COL13A1: variants seen among roughly 807,000 people sequenced by gnomAD.
The protein encoded by COL13A1 is collagen alpha-1(XIII) chain.
In COL13A1, 89 loss-of-function variants were observed where a neutral mutation model predicts 130.9. That is an observed-to-expected ratio of 0.68 (90% CI 0.57 to 0.81). The LOEUF (loss-of-function observed/expected upper bound fraction) is 0.81. COL13A1 is among the 30% of genes least tolerant of loss of function. The probability of loss-of-function intolerance (pLI) is 0.00; values close to 1 mark genes in which losing one functional copy is unlikely to be tolerated. For missense variants in COL13A1, 879 were observed against 934.6 expected (o/e 0.94, Z 0.78); for synonymous variants, 402 against 341.6 (o/e 1.18, Z -1.95).
chr10:69,950,336 T>C (rs796391438), intron 38 of COL13A1, among the ~76,000 whole-genome samples: 8 of 152,280 alleles, frequency 5.3e-5, no homozygotes, highest in African/African-American at 1.4e-4. Context: ...GCAGGCAACG[T>C]TACTACTCTA....
chr10:69,860,361 A>T (rs920051124), intron 2 of COL13A1, among the ~76,000 whole-genome samples: 5 of 152,214 alleles, frequency 3.3e-5, no homozygotes, highest in African/African-American at 1.2e-4. Context: ...GAAAGCGGGC[A>T]TGAGGGAGAC....
At chr10:69,849,875 A>T (rs1854241519) in intron 2 of COL13A1, among the ~76,000 whole-genome samples, 1 of 152,210 alleles carries the variant, frequency 6.6e-6, no homozygotes, top group Non-Finnish European at 1.5e-5. Context: ...TGGGGCTGAA[A>T]CTGGGCCCCA....
Position 69,930,493 on chromosome 10 carries a change from C to T in COL13A1, c.1624C>T (p.His542Tyr). 1.9e-6 allele frequency: 3 copies of T among 1,613,890 alleles called. No homozygotes were observed. The highest frequency in any genetic ancestry group is 2.5e-6 in the Non-Finnish European group (3 of 1,179,838). The change falls in exon 30 of 41, where the codon CAC becomes TAC. Residue 542 changes from histidine (H) to tyrosine (Y), a missense_variant. This residue lies in a region of COL13A1 where 715 missense variants were observed against 721.0 expected (regional missense o/e 0.99). Coordinates refer to ENST00000645393, the MANE Select transcript of COL13A1 (RefSeq NM_001368882.1). Reference sequence around the variant, plus strand: ...TCCAGGAGTGAAGGGAGAAAACGGGCACCCAGGGAGCCCAGGAGAGAAGGG... The same window carrying T: ...TCCAGGAGTGAAGGGAGAAAACGGGTACCCAGGGAGCCCAGGAGAGAAGGG... ...GPPGVKGENG[H>Y]PGSPGEKGEK... is the part of the protein sequence containing the mutation.
At chr10:69,846,478 C>A (rs1238925635) in intron 2 of COL13A1, among the ~76,000 whole-genome samples, 3 of 152,186 alleles carry the variant, frequency 2.0e-5, no homozygotes, top group Non-Finnish European at 4.4e-5. Flanking sequence ...CTCTTGTACA[C>A]CCCCACTGCC....
intron 38 of COL13A1, among the ~76,000 whole-genome samples, chr10:69,948,298 A>G (rs1213125885): frequency 6.6e-6 from 1 of 152,156 alleles, no homozygotes; most frequent in Non-Finnish European, 1.5e-5. Context: ...ATGCACAGAA[A>G]GTGCCAGAAT....
chr10:69,894,662 C>T lies in COL13A1; in HGVS notation c.631-13C>T, dbSNP rs1403607549. 14 of 1,613,860 alleles carry T rather than the reference C, an allele frequency of 8.7e-6. No homozygotes were observed. Among genetic ancestry groups the T allele is most frequent in the South Asian group, 3.3e-5 (3 of 91,088 alleles). On this transcript the variant is annotated splice_polypyrimidine_tract_variant and intron_variant, in intron 11 of 40. Coordinates refer to ENST00000645393, the MANE Select transcript of COL13A1 (RefSeq NM_001368882.1). ...CTTTGGTTTCTAACTCTCTCATCTC[C>T]GTCTCTTTGTAGGGACCCCAGGGAC...
chr10:69,943,617 C>T (rs549429453), intron 35 of COL13A1, among the ~76,000 whole-genome samples: 161 of 152,292 alleles, frequency 1.1e-3, no homozygotes, highest in African/African-American at 3.6e-3. Flanking sequence ...AAGGCCCCGG[C>T]CAGAGACTGA....
At chr10:69,901,187 G>T (rs559829859) in intron 14 of COL13A1, among the ~76,000 whole-genome samples, 6 of 152,302 alleles carry the variant, frequency 3.9e-5, no homozygotes, top group African/African-American at 1.4e-4. Flanking sequence ...ATGCAGCCGG[G>T]TGGGGGACCT....
At chr10:69,950,091 T>G (rs1223147172) in intron 38 of COL13A1, among the ~76,000 whole-genome samples, 1 of 150,556 alleles carries the variant, frequency 6.6e-6, no homozygotes, top group East Asian at 1.9e-4. Flanking sequence ...TTACTGCTTC[T>G]CCCCCCAGAT....
At chr10:69,888,428 G>A in intron 9 of COL13A1, 98 bp downstream of exon 9, 1 of 1,502,386 alleles carries the variant, frequency 6.7e-7, no homozygotes. Context: ...GCTTTACTTA[G>A]AAAGAAAAGT....
At chr10:69,887,901 C>T (rs2134542216) in intron 8 of COL13A1, among the ~76,000 whole-genome samples, 2 of 152,258 alleles carry the variant, frequency 1.3e-5, no homozygotes, top group Admixed American at 1.3e-4. Context: ...TTGACCTCTG[C>T]TTATGGGGCC....
At chr10:69,855,926 G>A (rs963109426) in intron 2 of COL13A1, among the ~76,000 whole-genome samples, 1 of 151,520 alleles carries the variant, frequency 6.6e-6, no homozygotes, top group African/African-American at 2.4e-5. Flanking sequence ...TCTGTAGTCA[G>A]ATGATAGCCA....
intron 1 of COL13A1, among the ~76,000 whole-genome samples, chr10:69,821,408 C>G (rs556658560): frequency 1.3e-5 from 2 of 152,338 alleles, no homozygotes; most frequent in African/African-American, 4.8e-5. Flanking sequence ...CAGGTGCAGT[C>G]TCCTCTCTGT....
In COL13A1 at chr10:69,909,390, G is replaced by A. The variant is rs942822178; in HGVS notation, c.921+3568G>A. 9.9e-5 allele frequency among the ~76,000 whole-genome samples: 15 copies of A among 152,124 alleles called. No individual in the cohort carries two copies. The South Asian group carries it at 1.0e-3, about 11-fold the overall frequency. ...TGTGAGGCCATCATGCCCCATCACC[G>A]CCTCTCTGGGTCACTGGAAGGTTCC... On this transcript the variant is annotated intron_variant, in intron 17 of 40. Coordinates refer to ENST00000645393, the MANE Select transcript of COL13A1 (RefSeq NM_001368882.1).
intron 1 of COL13A1, among the ~76,000 whole-genome samples, chr10:69,817,042 A>G (rs2763334): frequency 0.99 from 150,900 of 152,340 alleles, 74,751 homozygotes; most frequent in East Asian, 1. Context: ...CTTGCAGCCC[A>G]TTTTTGTAAA....
chr10:69,895,584 A>G lies in COL13A1; in HGVS notation c.684+8A>G, dbSNP rs748453473. 1.1e-5 allele frequency: 18 copies of G among 1,613,804 alleles called. No individual in the cohort carries two copies. The Admixed American group carries it at 3.0e-4, about 27-fold the overall frequency. ...GGAGAGTACCCACACCGGGTAAGTG[A>G]ACCCCTAAAATTTAGCAGGGCACTT... is the stretch of plus-strand genomic sequence containing the variant. On this transcript the variant is annotated splice_region_variant and intron_variant, in intron 13 of 40. Coordinates refer to ENST00000645393, the MANE Select transcript of COL13A1 (RefSeq NM_001368882.1).
intron 1 of COL13A1, among the ~76,000 whole-genome samples, chr10:69,817,619 A>G (rs1377183389): frequency 6.6e-6 from 1 of 151,974 alleles, no homozygotes. Flanking sequence ...GGGGTGGGGT[A>G]GGAGGAGACG....
intron 1 of COL13A1, among the ~76,000 whole-genome samples, chr10:69,803,094 G>A (rs1238071801): frequency 3.3e-5 from 5 of 152,204 alleles, no homozygotes; most frequent in Non-Finnish European, 5.9e-5. Context: ...CCCGCGCAGC[G>A]GCAAGCGCGC....
chr10:69,874,987 T>C (rs2059432899), intron 4 of COL13A1, 141 bp from the exon 5 acceptor site: 1 of 895,902 alleles, frequency 1.1e-6, no homozygotes, highest in Non-Finnish European at 1.8e-6. Context: ...ACATGATGCT[T>C]GGGCATCATA....
Sources: allele counts gnomAD v4.1 joint callset (sites outside exome capture counted in the v4.1 genomes callset), GRCh38; gene constraint gnomAD v4.1.1; regional missense constraint gnomAD v4.1.1; transcripts MANE v1.5; gene names NCBI Gene and HGNC (gene_info 2026-07-23, HGNC 2026-07-21).